CASZ1: variants seen among roughly 807,000 people sequenced by gnomAD.
The protein encoded by CASZ1 is zinc finger protein castor homolog 1.
Under a neutral mutation model 135.2 loss-of-function variants are expected in CASZ1, and 28 were observed. The ratio of observed to expected loss-of-function variants is 0.21; its 90% CI spans 0.15 to 0.28. CASZ1 has a LOEUF of 0.28. CASZ1 is among the 10% of genes least tolerant of loss of function. CASZ1 has a pLI of 1.00. For missense variants in CASZ1, 2,161 were observed against 2,453.3 expected, an observed-to-expected ratio of 0.88 and a Z score of 2.52; for synonymous variants, 1,068 against 1,073.4, an observed-to-expected ratio of 0.99 and a Z score of 0.10.
At chr1:10,775,157 C>G (rs549845500) in intron 1 of CASZ1, among the ~76,000 whole-genome samples, 1 of 152,290 alleles carries the variant, frequency 6.6e-6, no homozygotes, top group South Asian at 2.1e-4. Flanking sequence ...GTTCCCTACC[C>G]TTTGGAAGCC....
rs1427961623 is a variant in CASZ1 at position 10,753,232 on chromosome 1, AG to A, written c.-77+7468del. Among the ~76,000 whole-genome samples the A allele has an allele frequency of 3.3e-5, 5 of 152,308 alleles. No homozygotes were observed. In the South Asian group the frequency reaches 1.0e-3, roughly 32 times the overall value. ...GATGACTCAGCAGGTAGCCCCCGGCAGGGGGGTACAGTTCCTACGGGGTGAG... is the reference window on the plus strand; with the variant it reads ...GATGACTCAGCAGGTAGCCCCCGGCAGGGGGTACAGTTCCTACGGGGTGAG... On this transcript the variant is annotated intron_variant, in intron 2 of 20. Coordinates refer to ENST00000377022, the MANE Select transcript of CASZ1 (RefSeq NM_001079843.3).
chr1:10,656,527 A>G (rs1642800376), intron 8 of CASZ1, 119 bp downstream of exon 8: 1 of 738,424 alleles, frequency 1.4e-6, no homozygotes, highest in Admixed American at 2.1e-5. Flanking sequence ...GCTCAAGTCA[A>G]GTTTGGGTGG....
At chr1:10,654,673 G>A in intron 9 of CASZ1, 82 bp from the exon 10 acceptor site, 1 of 1,357,188 alleles carries the variant, frequency 7.4e-7, no homozygotes. Flanking sequence ...TGTGGCTGGG[G>A]CCACTGACTT....
At position 10,776,030 on chromosome 1, in the gene CASZ1, G is replaced by A. The variant is rs986834422; in HGVS notation, c.-233-15173C>T. Among the ~76,000 whole-genome samples the A allele has an allele frequency of 2.0e-5, 3 of 152,160 alleles. No homozygotes were observed. The highest frequency in any genetic ancestry group is 2.1e-4 in the South Asian group (1 of 4,828). On this transcript the variant is annotated intron_variant, in intron 1 of 20. Coordinates refer to ENST00000377022, the MANE Select transcript of CASZ1 (RefSeq NM_001079843.3). This position sits in a 1 kb window ranked among gnomAD's most constrained non-coding sequence, Gnocchi z 4.1. Reference sequence around the variant, plus strand: ...AAGTCCCCATCAGTGGGGTCTGCTCGGTCCCTGTAGCTAATTTACACCCGT... The same window carrying A: ...AAGTCCCCATCAGTGGGGTCTGCTCAGTCCCTGTAGCTAATTTACACCCGT...
At chr1:10,795,494 C>T (rs960952735) in intron 1 of CASZ1, among the ~76,000 whole-genome samples, 6 of 152,084 alleles carry the variant, frequency 3.9e-5, no homozygotes, top group Admixed American at 1.3e-4. Flanking sequence ...GCAGAGCCCC[C>T]CCGGAGCGCA....
chr1:10,784,890 T>C (rs1044185877), intron 1 of CASZ1, among the ~76,000 whole-genome samples: 1 of 152,134 alleles, frequency 6.6e-6, no homozygotes, highest in African/African-American at 2.4e-5. Flanking sequence ...GGAAATAGAC[T>C]AAAAGCATCT....
chr1:10,641,557 T>A (rs1642202353), intron 20 of CASZ1, among the ~76,000 whole-genome samples: 2 of 152,158 alleles, frequency 1.3e-5, no homozygotes, highest in African/African-American at 4.8e-5. Flanking sequence ...CTGCTCAGCT[T>A]TGGGCGTGGC....
In CASZ1 at chr1:10,762,296, C is replaced by T. The variant is rs534416040; in HGVS notation, c.-233-1439G>A. Among the ~76,000 whole-genome samples the T allele has an allele frequency of 6.6e-5, 10 of 152,148 alleles. No individual in the cohort carries two copies. Among genetic ancestry groups the T allele is most frequent in the East Asian group, 3.9e-4 (2 of 5,164 alleles). On this transcript the variant is annotated intron_variant, in intron 1 of 20. Coordinates refer to ENST00000377022, the MANE Select transcript of CASZ1 (RefSeq NM_001079843.3). The surrounding 1 kb of genome is among the most constrained non-coding windows in gnomAD (Gnocchi z 4.1). ...TCAGCCCAGCTCCCATCCCACCCCT[C>T]GGCGCCACACAGGGTTAACAGCGGG...
chr1:10,769,817 A>G (rs1450009710), intron 1 of CASZ1, among the ~76,000 whole-genome samples: 4 of 151,908 alleles, frequency 2.6e-5, no homozygotes, highest in Non-Finnish European at 5.9e-5. Flanking sequence ...ACACCTGGCC[A>G]GAAGTAATAT....
At chr1:10,732,829 C>G (rs1290694822) in intron 2 of CASZ1, among the ~76,000 whole-genome samples, 1 of 152,160 alleles carries the variant, frequency 6.6e-6, no homozygotes, top group Non-Finnish European at 1.5e-5. Flanking sequence ...TAAGGAGGAG[C>G]TGGTGGAGAG....
At position 10,639,017 on chromosome 1, in the gene CASZ1, C is replaced by G; in HGVS notation, c.5205G>C (p.Ala1735=). 1.0e-6 allele frequency: 1 copy of G among 1,001,724 alleles called. No homozygotes were observed. Among genetic ancestry groups the G allele is most frequent in the Non-Finnish European group, 1.2e-6 (1 of 838,120 alleles). The allele number at this position is 1,001,724 out of a possible 1,614,324, so 62.1% of individuals were successfully genotyped here. ...CCAGCGCCGCCAAGGCCGGGGTCCG[C>G]GCGCCCGCGCCCGCCGCCTCCGCCG... ...EAAAEAAGAG[A]RTPALAALAA... The change falls in exon 21 of 21, where the codon GCG becomes GCC. Residue 1735 remains alanine (A), a synonymous_variant. Transcript: ENST00000377022. The surrounding 1 kb of genome is among the most constrained non-coding windows in gnomAD (Gnocchi z 4.0).
chr1:10,789,707 A>T (rs550809549), intron 1 of CASZ1, among the ~76,000 whole-genome samples: 1 of 151,748 alleles, frequency 6.6e-6, no homozygotes, highest in African/African-American at 2.4e-5. Flanking sequence ...CAATAAACCC[A>T]TCTCTCTTCT....
chr1:10,644,346 G>A (rs567657066), intron 18 of CASZ1, among the ~76,000 whole-genome samples: 4 of 152,104 alleles, frequency 2.6e-5, no homozygotes, highest in Admixed American at 6.5e-5. Flanking sequence ...CCTGGGTTCC[G>A]GGTCACGGGT....
chr1:10,654,291 G>T (rs1450043583), intron 10 of CASZ1, 73 bp from the exon 11 acceptor site: 3 of 1,584,708 alleles, frequency 1.9e-6, no homozygotes, highest in Non-Finnish European at 2.6e-6. Flanking sequence ...GCCCTGGGAG[G>T]GACAGTCCCC....
chr1:10,743,615 T>C (rs890839726), intron 2 of CASZ1, among the ~76,000 whole-genome samples: 1 of 136,272 alleles, frequency 7.3e-6, no homozygotes, highest in Non-Finnish European at 1.5e-5. Flanking sequence ...TTTTTTTTTT[T>C]CTATAAAAAT....
At position 10,699,603 on chromosome 1, in the gene CASZ1, C is replaced by A. The variant is rs1022661239; in HGVS notation, c.-23-5691G>T. The stretch of plus-strand genomic sequence containing the variant: ...TTTGCCAGGCAGCCAGGAGTGCCAG[C>A]AGGGGAGGCACCCGCAAACAAAACA... On this transcript the variant is annotated intron_variant, in intron 3 of 20. Transcript: ENST00000377022. This position sits in a 1 kb window ranked among gnomAD's most constrained non-coding sequence, Gnocchi z 4.6. Among the ~76,000 whole-genome samples the A allele has an allele frequency of 6.6e-6, 1 of 152,198 alleles. No homozygotes were observed. The highest frequency in any genetic ancestry group is 2.4e-5 in the African/African-American group (1 of 41,444).
intron 3 of CASZ1, among the ~76,000 whole-genome samples, chr1:10,704,746 G>A (rs2100441959): frequency 6.6e-6 from 1 of 152,380 alleles, no homozygotes; most frequent in African/African-American, 2.4e-5. Flanking sequence ...CCGCCGGGCA[G>A]GCCCCGCTAT....
At position 10,643,176 on chromosome 1, in the gene CASZ1, C is replaced by T. The variant is rs531901811; in HGVS notation, c.4004G>A (p.Arg1335His). The T allele has an allele frequency of 2.2e-5, 35 of 1,611,570 alleles. No individual in the cohort carries two copies. The highest frequency in any genetic ancestry group is 2.6e-5 in the Non-Finnish European group (31 of 1,179,834). The change falls in exon 19 of 21, where the codon CGC becomes CAC. Residue 1335 changes from arginine to histidine, a missense_variant. Around this residue, in one of 7 missense-constraint regions of CASZ1, gnomAD observed 349 missense variants for 460.8 expected, o/e 0.76. Coordinates refer to ENST00000377022, the MANE Select transcript of CASZ1 (RefSeq NM_001079843.3). ...MRRMLGKNFDRVPPSQGPPGL... is the reference protein window; with the variant it reads ...MRRMLGKNFDHVPPSQGPPGL... ...GGCTCTCACCTGGGAGGGGGGCACG[C>T]GGTCGAAGTTCTTCCCCAGCATCCT...
chr1:10,773,413 G>A (rs1481784762), intron 1 of CASZ1, among the ~76,000 whole-genome samples: 1 of 151,786 alleles, frequency 6.6e-6, no homozygotes, highest in Non-Finnish European at 1.5e-5. Flanking sequence ...GGGGGCGGGG[G>A]TGGAGCTGGC....
Sources: allele counts gnomAD v4.1 joint callset (sites outside exome capture counted in the v4.1 genomes callset), GRCh38; gene constraint gnomAD v4.1.1; regional missense constraint gnomAD v4.1.1; non-coding constraint Gnocchi (gnomAD v3.1); transcripts MANE v1.5; gene names NCBI Gene and HGNC (gene_info 2026-07-23, HGNC 2026-07-21).